Variants in MICU1 observed in about 807,000 individuals in gnomAD.
MICU1 encodes mitochondrial calcium uptake 1, also known as calcium uptake protein 1, mitochondrial.
In MICU1, 45 loss-of-function variants were observed where a neutral mutation model predicts 56.8. The ratio of observed to expected loss-of-function variants is 0.79; its 90% CI spans 0.62 to 1.02. The LOEUF (loss-of-function observed/expected upper bound fraction) is 1.02, where lower values mean the gene tolerates loss of function less well. Ranked by LOEUF, MICU1 falls within the 50% of genes least tolerant of loss-of-function variation. MICU1 has a pLI of 0.00. For missense variants in MICU1, 504 were observed against 587.1 expected (o/e 0.86, Z 1.46); for synonymous variants, 186 against 195.1 (o/e 0.95, Z 0.39).
chr10:72,495,555 T>G (rs923327040), intron 6 of MICU1, among the ~76,000 whole-genome samples: 1 of 149,840 alleles, frequency 6.7e-6, no homozygotes, highest in African/African-American at 2.5e-5. Flanking sequence ...ACTTGGAAGC[T>G]GAGGCAGGAG....
intron 11 of MICU1, among the ~76,000 whole-genome samples, chr10:72,371,386 CAAAAAA>C (rs56014491): frequency 1.1e-5 from 1 of 91,204 alleles, no homozygotes; most frequent in African/African-American, 4.1e-5. Context: ...GACTCCGTCT[CAAAAAA>C]AAAAAAAAAA....
At chr10:72,495,311 C>T (rs1346478122) in intron 6 of MICU1, among the ~76,000 whole-genome samples, 1 of 151,726 alleles carries the variant, frequency 6.6e-6, no homozygotes, top group Non-Finnish European at 1.5e-5. Context: ...TCAATAATAG[C>T]CAAAGTGACG....
At chr10:72,579,339 A>T (rs2132503552) in intron 1 of MICU1, among the ~76,000 whole-genome samples, 1 of 152,192 alleles carries the variant, frequency 6.6e-6, no homozygotes, top group Non-Finnish European at 1.5e-5. Context: ...CAGGCTTCTC[A>T]TGGCTTCCTC....
At chr10:72,496,300 CT>C (rs565571067) in intron 6 of MICU1, among the ~76,000 whole-genome samples, 7,064 of 134,212 alleles carry the variant, frequency 0.053, 577 homozygotes, top group African/African-American at 0.18. Flanking sequence ...TGGCTAATTC[CT>C]TTTTTTTTTT....
intron 6 of MICU1, among the ~76,000 whole-genome samples, chr10:72,482,553 G>A (rs1299009805): frequency 1.3e-5 from 2 of 152,060 alleles, no homozygotes; most frequent in African/African-American, 4.8e-5. Context: ...CACCACTTCT[G>A]AGGTGTAAAC....
intron 6 of MICU1, among the ~76,000 whole-genome samples, chr10:72,492,338 A>G (rs1248690505): frequency 6.6e-6 from 1 of 152,182 alleles, no homozygotes; most frequent in Non-Finnish European, 1.5e-5. Flanking sequence ...ATAATCCGAG[A>G]GATATGAGAA....
intron 6 of MICU1, among the ~76,000 whole-genome samples, chr10:72,488,740 T>C (rs1866554661): frequency 6.6e-6 from 1 of 152,138 alleles, no homozygotes; most frequent in South Asian, 2.1e-4. Flanking sequence ...TTACTCCTCT[T>C]CCCTCTTGGC....
intron 2 of MICU1, among the ~76,000 whole-genome samples, chr10:72,564,449 G>C (rs961459503): frequency 6.1e-5 from 9 of 148,206 alleles, no homozygotes; most frequent in African/African-American, 1.7e-4. Flanking sequence ...TGAGGCAGGA[G>C]AATGTCTTGA....
rs377005427 is a variant in MICU1, at chr10:72,492,821, A to ATAAAATAAAATAAAATAAAG, written c.652+15333_652+15334insCTTTATTTTATTTTATTTTA. 6.7e-3 allele frequency among the ~76,000 whole-genome samples: 1,000 copies of ATAAAATAAAATAAAATAAAG among 150,054 alleles called. 13 individuals carry two copies. Among genetic ancestry groups the ATAAAATAAAATAAAATAAAG allele is most frequent in the African/African-American group, 0.023 (952 of 40,890 alleles). On this transcript the variant is annotated intron_variant, in intron 6 of 11. Transcript: ENST00000361114. ...ATAAAATAAAATAAAATAAAATAAA[A>ATAAAATAAAATAAAATAAAG]TAAAATGTATATGGGCCAGGTGTGG...
intron 9 of MICU1, among the ~76,000 whole-genome samples, chr10:72,419,271 A>C (rs1190639163): frequency 6.6e-6 from 1 of 152,256 alleles, no homozygotes; most frequent in Non-Finnish European, 1.5e-5. Flanking sequence ...CCACCTATAC[A>C]TTCGTAATCA....
intron 8 of MICU1, among the ~76,000 whole-genome samples, chr10:72,447,339 T>G (rs1478977624): frequency 1.3e-5 from 2 of 152,130 alleles, no homozygotes; most frequent in Non-Finnish European, 2.9e-5. Flanking sequence ...GAAGAGATAA[T>G]AGGACAACAC....
At chr10:72,534,526 G>A (rs7095187) in intron 4 of MICU1, among the ~76,000 whole-genome samples, 85,385 of 151,912 alleles carry the variant, frequency 0.56, 25,342 homozygotes, top group Non-Finnish European at 0.67. Flanking sequence ...AACATTACAA[G>A]GGAGCATACA....
chr10:72,501,563 T>C (rs543875831), intron 6 of MICU1, among the ~76,000 whole-genome samples: 1 of 152,136 alleles, frequency 6.6e-6, no homozygotes, highest in Non-Finnish European at 1.5e-5. Flanking sequence ...ATGCAGCTTA[T>C]ATTCTAGATT....
At chr10:72,450,642 C>T (rs1480427639) in intron 8 of MICU1, among the ~76,000 whole-genome samples, 1 of 152,072 alleles carries the variant, frequency 6.6e-6, no homozygotes, top group Non-Finnish European at 1.5e-5. Flanking sequence ...TTTGTTTCTG[C>T]CTTGCAGGTC....
chr10:72,396,879 G>C (rs1863283782), intron 10 of MICU1, among the ~76,000 whole-genome samples: 1 of 152,156 alleles, frequency 6.6e-6, no homozygotes, highest in African/African-American at 2.4e-5. Flanking sequence ...TTATCCAGGA[G>C]AACTTCCCCA....
intron 5 of MICU1, among the ~76,000 whole-genome samples, chr10:72,512,038 ACT>A (rs1564911351): frequency 1.3e-5 from 2 of 149,752 alleles, no homozygotes; most frequent in African/African-American, 4.9e-5. Context: ...ATTTAAAATT[ACT>A]GATACCTAAA....
chr10:72,368,105 C>T lies in MICU1; in HGVS notation c.*90G>A. 1 of 1,384,346 alleles carries T rather than the reference C, an allele frequency of 7.2e-7. No individual in the cohort carries two copies. 85.8% of individuals were successfully genotyped at this position (1,384,346 alleles called of 1,614,324 possible). ...TCCCGGGAGGAAGGGGGACTACTTC[C>T]AGAAGCAGCAGCACAAAGGGCTCTG... On this transcript the variant is annotated 3_prime_UTR_variant, in exon 12 of 12. Coordinates refer to ENST00000361114, the MANE Select transcript of MICU1 (RefSeq NM_001195518.2).
chr10:72,369,841 T>C (rs768684123), intron 11 of MICU1, among the ~76,000 whole-genome samples: 3 of 152,024 alleles, frequency 2.0e-5, no homozygotes, highest in Non-Finnish European at 4.4e-5. Flanking sequence ...CCTGAGTAGC[T>C]GCAACTAGAG....
intron 1 of MICU1, among the ~76,000 whole-genome samples, chr10:72,619,671 C>G (rs764867626): frequency 5.3e-5 from 8 of 152,090 alleles, no homozygotes; most frequent in Non-Finnish European, 7.4e-5. Flanking sequence ...TTATGAGAAC[C>G]AACAAGGAAA....
Sources: allele counts gnomAD v4.1 joint callset (sites outside exome capture counted in the v4.1 genomes callset), GRCh38; gene constraint gnomAD v4.1.1; transcripts MANE v1.5; gene names NCBI Gene and HGNC (gene_info 2026-07-23, HGNC 2026-07-21).